Variants in NUDT12 observed in about 807,000 individuals in gnomAD.
The protein encoded by NUDT12 is nudix hydrolase 12.
In NUDT12, 42 loss-of-function variants were observed where a neutral mutation model predicts 45.7. The observed-to-expected ratio is 0.92, with a 90% confidence interval of 0.72 to 1.19. The LOEUF (loss-of-function observed/expected upper bound fraction) is 1.19. NUDT12 is among the 50% of genes most tolerant of loss of function. NUDT12 has a pLI of 0.00. For missense variants in NUDT12, 590 were observed against 533.1 expected (o/e 1.11, Z -1.05); for synonymous variants, 206 against 179.7 (o/e 1.15, Z -1.17).
rs1325925841 is a variant in NUDT12, at chr5:103,554,829, A to G, written c.989T>C (p.Ile330Thr). The change falls in exon 5 of 7, where the codon ATT (isoleucine) becomes ACT (threonine). Residue 330 changes from isoleucine (I) to threonine (T), a missense_variant. By Grantham distance (89) the Ile-to-Thr change is moderately conservative (BLOSUM62 -1). Transcript: ENST00000230792. ...AAGGCATTTGGTCCCATCTGGATGA[A>G]TAACTTGCATGATTACTACTGGATC... The part of the protein sequence containing the change: ...RVDPVVIMQV[I>T]HPDGTKCLLG... 5 of 1,545,926 alleles carry G rather than the reference A, an allele frequency of 3.2e-6. No individual in the cohort carries two copies. The highest frequency in any genetic ancestry group is 2.8e-5 in the African/African-American group (2 of 71,764).
chr5:103,559,249 T>C lies in NUDT12; in HGVS notation c.426A>G (p.Lys142=), dbSNP rs1249259399. The C allele has an allele frequency of 3.2e-6, 5 of 1,586,550 alleles. No individual in the cohort carries two copies. In the East Asian group the frequency reaches 9.0e-5, roughly 28 times the overall value. ...TAAAAACTGTGGCTGGATGGCTTTC[T>C]TTAGCTAGCAGCCAGTCAGAATTAT... ...KRNNSDWLLA[K]ESHPATVFIL... is the part of the protein sequence containing the mutation. The change falls in exon 3 of 7, where the codon AAA becomes AAG. Residue 142 remains lysine (K), a synonymous_variant. Transcript: ENST00000230792.
At position 103,552,156 on chromosome 5, in the gene NUDT12, T is replaced by C. The variant is rs1299000613; in HGVS notation, c.1278+61A>G. 2.8e-6 allele frequency: 4 copies of C among 1,406,018 alleles called. No homozygotes were observed. The African/African-American group carries it at 4.2e-5, about 15-fold the overall frequency. 87.1% of individuals were successfully genotyped at this position (1,406,018 alleles called of 1,614,324 possible). The stretch of plus-strand genomic sequence containing the variant: ...GCTGAAAATATGCATCCTTGCTCTG[T>C]GACCAAACCAATACAGTCAGGGAAC... On this transcript the variant is annotated intron_variant, in intron 6 of 6. Transcript: ENST00000230792.
intron 6 of NUDT12, among the ~76,000 whole-genome samples, 157 bp downstream of exon 6, chr5:103,552,057 ACTC>A (rs1280091706): frequency 1.3e-5 from 2 of 152,130 alleles, no homozygotes; most frequent in Non-Finnish European, 2.9e-5. Context: ...AGTGAAACAT[ACTC>A]CTCCTGTATG....
chr5:103,558,810 A>G (rs1394901396), intron 3 of NUDT12, 69 bp downstream of exon 3: 1 of 1,088,812 alleles, frequency 9.2e-7, no homozygotes, highest in Non-Finnish European at 1.3e-6. Context: ...GGAAAGTGCA[A>G]ATACATACAA....
At chr5:103,552,087 T>C (rs1284388503) in intron 6 of NUDT12, 130 bp downstream of exon 6, 3 of 660,530 alleles carry the variant, frequency 4.5e-6, no homozygotes, top group East Asian at 2.6e-5. Flanking sequence ...CTAATTACCA[T>C]GTAATCCATG....
intron 1 of NUDT12, among the ~76,000 whole-genome samples, chr5:103,560,605 A>AG (rs1472631709): frequency 1.3e-5 from 2 of 151,958 alleles, no homozygotes; most frequent in East Asian, 3.9e-4. Flanking sequence ...TGGGGACATG[A>AG]GGGGGAGAGC....
chr5:103,558,235 A>G (rs1217655282), intron 3 of NUDT12, among the ~76,000 whole-genome samples: 3 of 151,968 alleles, frequency 2.0e-5, no homozygotes, highest in Non-Finnish European at 4.4e-5. Context: ...TCTCACTTAT[A>G]AGGGTCTCAA....
chr5:103,551,597 C>A (rs1456962820), intron 6 of NUDT12, among the ~76,000 whole-genome samples: 2 of 152,066 alleles, frequency 1.3e-5, no homozygotes, highest in African/African-American at 4.8e-5. Flanking sequence ...TTATAAAATT[C>A]ATAAGCAATA....
Position 103,552,346 on chromosome 5 carries a change from C to CTGAA in NUDT12, c.1145_1148dup (p.Gln383HisfsTer29). On this transcript the variant is annotated frameshift_variant, in exon 6 of 7. Coordinates refer to ENST00000230792, the MANE Select transcript of NUDT12 (RefSeq NM_031438.4). LOFTEE classifies it high-confidence loss of function. ...TTGGCCATGGTTGACAAGCAACATA[C>CTGAA]TGAACATGGCCAACTTTGACTCCAC... 1 of 1,613,930 alleles carries CTGAA rather than the reference C, an allele frequency of 6.2e-7. No individual in the cohort carries two copies.
In NUDT12 at chr5:103,549,676, A is replaced by G. The variant is rs1054414781; in HGVS notation, c.*1185T>C. The G allele has an allele frequency of 6.6e-6, 1 of 152,042 alleles. No homozygotes were observed. The allele number at this position is 152,042 out of a possible 1,614,324, so 9.4% of individuals were successfully genotyped here. ...ATATATTATCCTTAAGGTCTCTTGT[A>G]GCTCTAGCATACATTAGTAAAGATG... On this transcript the variant is annotated 3_prime_UTR_variant, in exon 7 of 7. Transcript: ENST00000230792.
intron 4 of NUDT12, 85 bp from the exon 5 acceptor site, chr5:103,554,938 T>G: frequency 1.9e-6 from 1 of 537,286 alleles, no homozygotes. Context: ...TAGGATAATA[T>G]AAAGGTATAT....
chr5:103,557,991 C>A (rs1315580281), intron 3 of NUDT12, among the ~76,000 whole-genome samples: 2 of 151,892 alleles, frequency 1.3e-5, no homozygotes, highest in East Asian at 3.9e-4. Context: ...GTCTGTCCTG[C>A]TTTCCTTGCT....
intron 5 of NUDT12, chr5:103,554,370 C>A (rs1424096658): frequency 6.5e-6 from 1 of 154,692 alleles, no homozygotes; most frequent in African/African-American, 2.4e-5. Context: ...ATTGTGAATG[C>A]AGGGTATGGG....
At position 103,557,280 on chromosome 5, in the gene NUDT12, G is replaced by GATAT. The variant is rs10593905; in HGVS notation, c.797-1186_797-1183dup. Among the ~76,000 whole-genome samples the GATAT allele has an allele frequency of 3.8e-3, 448 of 118,928 alleles. 14 individuals are homozygous for GATAT. Among genetic ancestry groups the GATAT allele is most frequent in the African/African-American group, 0.011 (360 of 32,796 alleles). 78.0% of individuals were successfully genotyped at this position (118,928 alleles called of 152,430 possible). Reference sequence around the variant, plus strand: ...TATCAGATCTTTTTGATCTTAAAATGATATATATATATATATATATATATG... The same window carrying GATAT: ...TATCAGATCTTTTTGATCTTAAAATGATATATATATATATATATATATATATATG... On this transcript the variant is annotated intron_variant, in intron 3 of 6. Transcript: ENST00000230792.
chr5:103,551,125 T>TC (rs1349920470), intron 6 of NUDT12, among the ~76,000 whole-genome samples, 154 bp from the exon 7 acceptor site: 15 of 152,284 alleles, frequency 9.9e-5, no homozygotes, highest in African/African-American at 3.6e-4. Flanking sequence ...TGCAAAGTTT[T>TC]TTTTTTTTTG....
At chr5:103,562,150 G>A (rs560722195) in intron 1 of NUDT12, among the ~76,000 whole-genome samples, 3 of 152,162 alleles carry the variant, frequency 2.0e-5, no homozygotes, top group Non-Finnish European at 4.4e-5. Flanking sequence ...AATATTAGAT[G>A]TAAAGGGACA....
chr5:103,561,530 A>G (rs1039544796), intron 1 of NUDT12, among the ~76,000 whole-genome samples: 5 of 152,224 alleles, frequency 3.3e-5, no homozygotes, highest in Non-Finnish European at 7.3e-5. Context: ...ACATGACAGA[A>G]TAATTTTTGA....
rs376723160 is a variant in NUDT12, at chr5:103,559,045, A to T, written c.630T>A (p.Leu210=). The T allele has an allele frequency of 1.0e-4, 167 of 1,613,594 alleles. No individual in the cohort carries two copies. The highest frequency in any genetic ancestry group is 1.3e-4 in the Non-Finnish European group (157 of 1,179,794). Residue 210 remains leucine, a synonymous_variant, in exon 3 of 7, where the codon CTT becomes CTA. Transcript: ENST00000230792. Reference sequence around the variant, plus strand: ...CTCTCGGGACTTCACCAGCATAATTAAGTAGTTTGTCTTTTATTTCAAGTT... The same window carrying T: ...CTCTCGGGACTTCACCAGCATAATTTAGTAGTTTGTCTTTTATTTCAAGTT... ...GVELEIKDKL[L]NYAGEVPREE...
Position 103,554,857 on chromosome 5 carries a change from T to A in NUDT12, c.965-4A>T. The A allele has an allele frequency of 7.7e-7, 1 of 1,305,618 alleles. No individual in the cohort carries two copies. Among genetic ancestry groups the A allele is most frequent in the Non-Finnish European group, 1.0e-6 (1 of 959,486 alleles). 80.9% of individuals were successfully genotyped at this position (1,305,618 alleles called of 1,614,324 possible). ...ACTTGCATGATTACTACTGGATCTGTTGAAAAAAAAAATCAGATACATGAA... is the reference window on the plus strand; with the variant it reads ...ACTTGCATGATTACTACTGGATCTGATGAAAAAAAAAATCAGATACATGAA... On this transcript the variant is annotated splice_region_variant and splice_polypyrimidine_tract_variant and intron_variant, in intron 4 of 6. Coordinates refer to ENST00000230792, the MANE Select transcript of NUDT12 (RefSeq NM_031438.4).
Sources: allele counts gnomAD v4.1 joint callset (sites outside exome capture counted in the v4.1 genomes callset), GRCh38; gene constraint gnomAD v4.1.1; transcripts MANE v1.5; gene names NCBI Gene and HGNC (gene_info 2026-07-23, HGNC 2026-07-21).